Variants in ROBO2 observed in about 807,000 individuals in gnomAD.
ROBO2 encodes roundabout homolog 2.
ROBO2 carries 53 observed loss-of-function variants against 160.8 expected under a neutral mutation model. The ratio of observed to expected loss-of-function variants is 0.33; its 90% CI spans 0.26 to 0.41. The LOEUF is 0.41. Among genes scored for constraint, ROBO2 ranks in the 10% least tolerant of loss-of-function variants. The pLI is 1.00. For missense variants in ROBO2, 1,577 were observed against 1,722.4 expected (o/e 0.92, Z 1.49); for synonymous variants, 664 against 611.7 (o/e 1.09, Z -1.26).
At chr3:76,712,548 G>T (rs2093315022) in intron 2 of ROBO2, among the ~76,000 whole-genome samples, 1 of 151,918 alleles carries the variant, frequency 6.6e-6, no homozygotes, top group African/African-American at 2.4e-5. Flanking sequence ...GGTGGTATGT[G>T]CCTGTAATCC....
At position 75,929,178 on chromosome 3, in the gene ROBO2, T is replaced by C. The variant is rs1350396344; in HGVS notation, c.-13-8303T>C. ...GATCTGCAGCTGGATAAGACGTGTG[T>C]GTGTGTGTGTGTGTGTGTGTGTGTG... On this transcript the variant is annotated intron_variant, in intron 1 of 26. Transcript: ENST00000487694. 2.1e-5 allele frequency among the ~76,000 whole-genome samples: 2 copies of C among 93,898 alleles called. 1 individual carries two copies. 61.6% of individuals were successfully genotyped at this position (93,898 alleles called of 152,430 possible). A position where few individuals can be genotyped will look rare whatever the true frequency, so the allele number is the denominator to read the frequency against.
intron 2 of ROBO2, among the ~76,000 whole-genome samples, chr3:76,305,799 G>A: frequency 6.6e-6 from 1 of 151,472 alleles, no homozygotes; most frequent in East Asian, 1.9e-4. Context: ...GGTCTGAAAT[G>A]CATAGTGTAG....
At chr3:76,139,874 C>T (rs2071566527) in intron 2 of ROBO2, among the ~76,000 whole-genome samples, 1 of 152,030 alleles carries the variant, frequency 6.6e-6, no homozygotes, top group South Asian at 2.1e-4. Flanking sequence ...CCATATTCTT[C>T]CAAGCGTCAG....
rs377761879 is a variant in ROBO2 at position 77,012,309 on chromosome 3, G to A, written c.110-85705G>A. ...AGCACCAAATAATAGAAATGTACAC[G>A]TTTGTCTTTGGATCTTACCTCTTTT... On this transcript the variant is annotated intron_variant, in intron 2 of 26. Coordinates refer to the ROBO2 transcript ENST00000487694. Among the ~76,000 whole-genome samples, 200 of 152,228 alleles carry A rather than the reference G, an allele frequency of 1.3e-3. 9 individuals are homozygous for A. In the South Asian group the frequency reaches 0.041, roughly 31 times the overall value.
intron 2 of ROBO2, among the ~76,000 whole-genome samples, chr3:76,908,775 T>C (rs17014892): frequency 0.065 from 9,962 of 152,234 alleles, 394 homozygotes; most frequent in South Asian, 0.15. Context: ...TATACAATTG[T>C]GTATGAGAAG....
intron 2 of ROBO2, among the ~76,000 whole-genome samples, chr3:76,086,816 C>T (rs1032648816): frequency 7.9e-5 from 12 of 151,874 alleles, no homozygotes; most frequent in African/African-American, 2.9e-4. Context: ...CTTGGAAGAA[C>T]ACATAGACAA....
intron 2 of ROBO2, among the ~76,000 whole-genome samples, chr3:77,463,373 CA>C (rs2082433513): frequency 6.6e-6 from 1 of 151,842 alleles, no homozygotes; most frequent in Non-Finnish European, 1.5e-5. Flanking sequence ...TGGGAAGAAC[CA>C]TGGATATTAG....
At chr3:77,020,361 A>G (rs2062553169) in intron 2 of ROBO2, among the ~76,000 whole-genome samples, 1 of 152,200 alleles carries the variant, frequency 6.6e-6, no homozygotes. Context: ...AGCTGGTGAG[A>G]GTGTAAATGT....
chr3:76,434,498 G>C, intron 2 of ROBO2: 1 of 1,558,648 alleles, frequency 6.4e-7, no homozygotes, highest in Non-Finnish European at 8.8e-7. Context: ...TACAAACCGA[G>C]TCCTCAAAGA....
At position 77,493,040 on chromosome 3, in the gene ROBO2, C is replaced by G. The variant is rs114022057; in HGVS notation, c.668-204C>G. 7.4e-3 allele frequency among the ~76,000 whole-genome samples: 1,121 copies of G among 152,240 alleles called. 15 individuals carry two copies. The highest frequency in any genetic ancestry group is 0.024 in the African/African-American group (982 of 41,534). ...AAGGTTGTATGGTCTTATGTGCAAA[C>G]TGTAGCTATTCCTTTGTTCCAAAAT... On this transcript the variant is annotated intron_variant, in intron 4 of 25. Transcript: ENST00000461745.
chr3:77,646,066 G>T lies in ROBO2; in HGVS notation c.*11G>T, dbSNP rs370535596. 267 of 1,591,622 alleles carry T rather than the reference G, an allele frequency of 1.7e-4. 6 individuals are homozygous for T. The South Asian group carries it at 1.7e-3, about 10-fold the overall frequency. On this transcript the variant is annotated 3_prime_UTR_variant, in exon 26 of 26. Coordinates refer to ENST00000461745, the Ensembl canonical transcript of ROBO2. ...TCTCTTTCTTTAGAGTAAATGAGAGGAGACATACAAAGCTGCTCTGAAGGA... is the reference window on the plus strand; with the variant it reads ...TCTCTTTCTTTAGAGTAAATGAGAGTAGACATACAAAGCTGCTCTGAAGGA...
intron 2 of ROBO2, among the ~76,000 whole-genome samples, chr3:76,114,519 T>TA (rs1259533676): frequency 6.6e-6 from 1 of 152,156 alleles, no homozygotes; most frequent in East Asian, 1.9e-4. Context: ...ATTATTTATT[T>TA]ATATGCCTTA....
At chr3:76,027,625 C>T (rs1021738963) in intron 2 of ROBO2, among the ~76,000 whole-genome samples, 3 of 151,826 alleles carry the variant, frequency 2.0e-5, no homozygotes, top group Admixed American at 1.3e-4. Flanking sequence ...CAGTGTCTTG[C>T]TTCTGGAGAT....
chr3:76,730,312 TTCTCCTCACCTCCTACTCCCTACCCACC>T (rs1560459146), intron 2 of ROBO2, among the ~76,000 whole-genome samples: 1 of 69,052 alleles, frequency 1.4e-5, no homozygotes, highest in African/African-American at 1.0e-4. Flanking sequence ...CCCTACCCGC[TTCTCCTCACCTCCTACTCCCTACCCACC>T]TCTCCTCACC....
At chr3:77,110,148 C>A (rs575383671) in intron 2 of ROBO2, among the ~76,000 whole-genome samples, 1 of 152,280 alleles carries the variant, frequency 6.6e-6, no homozygotes, top group African/African-American at 2.4e-5. Flanking sequence ...AAATCCATCA[C>A]TTTCAGTTCT....
At chr3:76,765,867 T>A (rs960970295) in intron 2 of ROBO2, among the ~76,000 whole-genome samples, 4 of 151,604 alleles carry the variant, frequency 2.6e-5, no homozygotes, top group African/African-American at 4.8e-5. Context: ...AAAGGACTGT[T>A]TCGAGGCACC....
chr3:77,177,063 T>C (rs1458024207), intron 2 of ROBO2, among the ~76,000 whole-genome samples: 1 of 151,978 alleles, frequency 6.6e-6, no homozygotes, highest in Non-Finnish European at 1.5e-5. Context: ...AAAAAGAGAT[T>C]TCTAAAAGGT....
At chr3:75,969,437 G>A (rs1282527227) in intron 2 of ROBO2, among the ~76,000 whole-genome samples, 1 of 151,382 alleles carries the variant, frequency 6.6e-6, no homozygotes, top group African/African-American at 2.4e-5. Flanking sequence ...TACCCAGCAG[G>A]GGGATTGTGG....
rs933610005 is a variant in ROBO2 at position 76,237,316 on chromosome 3, A to G, written c.109+299714A>G. Among the ~76,000 whole-genome samples the G allele has an allele frequency of 6.8e-4, 104 of 152,314 alleles. 1 individual carries two copies. The highest frequency in any genetic ancestry group is 2.5e-3 in the African/African-American group (103 of 41,580). ...GAACCTATCAATAGGCCAAGCTATA[A>G]TCATTAATGGTTTTGTTTTTTCTTT... On this transcript the variant is annotated intron_variant, in intron 2 of 26. Coordinates refer to the ROBO2 transcript ENST00000487694.
Sources: allele counts gnomAD v4.1 joint callset (sites outside exome capture counted in the v4.1 genomes callset), GRCh38; gene constraint gnomAD v4.1.1; transcripts MANE v1.5; gene names NCBI Gene and HGNC (gene_info 2026-07-23, HGNC 2026-07-21).